Variants in KIAA0040 observed in about 807,000 individuals in gnomAD.
KIAA0040 encodes the protein uncharacterized protein KIAA0040.
A neutral mutation model predicts 7.2 loss-of-function variants in KIAA0040; 10 were observed. The ratio of observed to expected loss-of-function variants is 1.38; its 90% CI spans 0.85 to 2.34. The LOEUF is 2.34. Among genes scored for constraint, KIAA0040 ranks in the 30% most tolerant of loss-of-function variants. The pLI is 0.00. For missense variants in KIAA0040, 89 were observed against 108.2 expected (o/e 0.82, Z 0.79); for synonymous variants, 49 against 40.1 (o/e 1.22, Z -0.84).
chr1:175,173,908 T>C (rs1002000937), intron 2 of KIAA0040, among the ~76,000 whole-genome samples: 4 of 152,212 alleles, frequency 2.6e-5, no homozygotes, highest in African/African-American at 9.7e-5. Flanking sequence ...TTTTTCTGCT[T>C]CCTTTGGTTT....
At chr1:175,182,912 G>T (rs1677494742) in intron 1 of KIAA0040, among the ~76,000 whole-genome samples, 1 of 152,140 alleles carries the variant, frequency 6.6e-6, no homozygotes, top group African/African-American at 2.4e-5. Context: ...ACCTCTGCTG[G>T]GGCCCAATGC....
At chr1:175,176,298 T>G (rs941530928) in intron 2 of KIAA0040, 1 of 152,226 alleles carries the variant, frequency 6.6e-6, no homozygotes, top group Admixed American at 6.5e-5. Flanking sequence ...TCGGGGCAAT[T>G]AAAAGCCAAA....
chr1:175,170,793 C>T (rs1676959861), intron 2 of KIAA0040, among the ~76,000 whole-genome samples: 1 of 152,194 alleles, frequency 6.6e-6, no homozygotes, highest in Admixed American at 6.5e-5. Context: ...TCCTCCCTCC[C>T]TCCGGCCTGT....
Position 175,160,053 on chromosome 1 carries a change from A to G in KIAA0040, c.*661T>C, listed in dbSNP as rs1676466074. The G allele has an allele frequency of 6.5e-6, 1 of 153,720 alleles. No individual in the cohort carries two copies. The highest frequency in any genetic ancestry group is 2.4e-5 in the African/African-American group (1 of 41,460). 9.5% of individuals were successfully genotyped at this position (153,720 alleles called of 1,614,324 possible). A position where few individuals can be genotyped will look rare whatever the true frequency, so the allele number is the denominator to read the frequency against. On this transcript the variant is annotated 3_prime_UTR_variant, in exon 4 of 4. Transcript: ENST00000423313. ...AGAAACTTGGTGTGTCTGTATCAAG[A>G]CACACAAGGGTGGGGACTGTAGCAG...
In KIAA0040 at chr1:175,157,051, TACCATATTGA is replaced by T. The variant is rs1676297291; in HGVS notation, c.*3653_*3662del. 1 of 152,068 alleles carries T rather than the reference TACCATATTGA, an allele frequency of 6.6e-6. No homozygotes were observed. The highest frequency in any genetic ancestry group is 1.5e-5 in the Non-Finnish European group (1 of 68,038). The allele number at this position is 152,068 out of a possible 1,614,324, so 9.4% of individuals were successfully genotyped here. Reference sequence around the variant, plus strand: ...TTAAATAGTCACATGTGGCTATTGGTACCATATTGAACCATATTGAACAGTGTACACACAC... The same window carrying T: ...TTAAATAGTCACATGTGGCTATTGGTACCATATTGAACAGTGTACACACAC... On this transcript the variant is annotated 3_prime_UTR_variant, in exon 4 of 4. Transcript: ENST00000423313.
At chr1:175,189,308 G>T (rs1677781159) in intron 1 of KIAA0040, among the ~76,000 whole-genome samples, 1 of 152,174 alleles carries the variant, frequency 6.6e-6, no homozygotes, top group East Asian at 1.9e-4. Flanking sequence ...AGGGCCATTG[G>T]ATTAAATGGG....
chr1:175,160,616 A>G lies in KIAA0040; in HGVS notation c.*98T>C, dbSNP rs1676489409. The G allele has an allele frequency of 1.7e-6, 2 of 1,163,486 alleles. No homozygotes were observed. Among genetic ancestry groups the G allele is most frequent in the East Asian group, 2.6e-5 (1 of 38,878 alleles). The allele number at this position is 1,163,486 out of a possible 1,614,324, so 72.1% of individuals were successfully genotyped here. A position where few individuals can be genotyped will look rare whatever the true frequency, so the allele number is the denominator to read the frequency against. The stretch of plus-strand genomic sequence containing the variant: ...TTGGTTGAGTAGTTACTCTGTGGAC[A>G]TGGACATAGTGCATTATTTCAGGGG... On this transcript the variant is annotated 3_prime_UTR_variant, in exon 4 of 4. Coordinates refer to ENST00000423313, the MANE Select transcript of KIAA0040 (RefSeq NM_014656.3).
At position 175,166,039 on chromosome 1, in the gene KIAA0040, T is replaced by G. The variant is rs114134230; in HGVS notation, c.-134+523A>C. ...CCCTGAGACCAACTCCAGAGTGACC[T>G]CCAAATGGTACAAATCACCACCCTT... On this transcript the variant is annotated intron_variant, in intron 3 of 3. Coordinates refer to ENST00000423313, the MANE Select transcript of KIAA0040 (RefSeq NM_014656.3). Among the ~76,000 whole-genome samples the G allele has an allele frequency of 6.5e-3, 987 of 152,312 alleles. 18 individuals carry two copies. The highest frequency in any genetic ancestry group is 0.023 in the African/African-American group (945 of 41,558).
At chr1:175,178,821 T>C (rs1237460743) in intron 1 of KIAA0040, among the ~76,000 whole-genome samples, 2 of 152,208 alleles carry the variant, frequency 1.3e-5, no homozygotes, top group East Asian at 1.9e-4. Flanking sequence ...GAGAGTTCTT[T>C]GTAAACTGAA....
chr1:175,184,649 G>A (rs1677584578), intron 1 of KIAA0040, among the ~76,000 whole-genome samples: 1 of 152,216 alleles, frequency 6.6e-6, no homozygotes, highest in African/African-American at 2.4e-5. Context: ...AGTGGCAACT[G>A]TGTGCCAGAC....
In KIAA0040 at chr1:175,176,669, C is replaced by CTTTTTTTTTTTTTTTT. The variant is rs34859478; in HGVS notation, c.-310+926_-310+941dup. ...ATCCAGTGTCAGGTTAAGTAGCATG[C>CTTTTTTTTTTTTTTTT]TTTTTTTTTTTTTTTTTTTTTTTTT... On this transcript the variant is annotated intron_variant, in intron 2 of 3. Transcript: ENST00000423313. 5.8e-4 allele frequency among the ~76,000 whole-genome samples: 16 copies of CTTTTTTTTTTTTTTTT among 27,438 alleles called. 8 individuals carry two copies. The highest frequency in any genetic ancestry group is 1.8e-3 in the Admixed American group (2 of 1,126). 18.0% of individuals were successfully genotyped at this position (27,438 alleles called of 152,430 possible). A position where few individuals can be genotyped will look rare whatever the true frequency, so the allele number is the denominator to read the frequency against.
At chr1:175,183,015 G>A (rs1039482719) in intron 1 of KIAA0040, among the ~76,000 whole-genome samples, 1 of 152,226 alleles carries the variant, frequency 6.6e-6, no homozygotes, top group African/African-American at 2.4e-5. Flanking sequence ...GAGCAAGTGA[G>A]GAATGCTCAG....
intron 1 of KIAA0040, among the ~76,000 whole-genome samples, chr1:175,178,996 T>C (rs1677328625): frequency 6.7e-6 from 1 of 150,288 alleles, no homozygotes; most frequent in Non-Finnish European, 1.5e-5. Context: ...ATGGAGGAGA[T>C]AGAGGCTGTG....
At chr1:175,176,597 A>T (rs56016776) in intron 2 of KIAA0040, 1 of 147,816 alleles carries the variant, frequency 6.8e-6, no homozygotes, top group Non-Finnish European at 1.5e-5. Flanking sequence ...ATGGTTGATG[A>T]ATGCAGAGAA....
At chr1:175,168,852 G>A (rs1169734967) in intron 2 of KIAA0040, among the ~76,000 whole-genome samples, 25 of 152,214 alleles carry the variant, frequency 1.6e-4, no homozygotes, top group Admixed American at 1.6e-3. Context: ...TCTCTGTGGG[G>A]CTATGTGACT....
chr1:175,167,889 CTT>C (rs368297465), intron 2 of KIAA0040, among the ~76,000 whole-genome samples: 1 of 147,428 alleles, frequency 6.8e-6, no homozygotes, highest in African/African-American at 2.5e-5. Context: ...TATGTATATT[CTT>C]TTTTTTTTTC....
chr1:175,181,486 C>T (rs1677437596), intron 1 of KIAA0040, among the ~76,000 whole-genome samples: 1 of 152,202 alleles, frequency 6.6e-6, no homozygotes, highest in Admixed American at 6.5e-5. Context: ...TCTTCTAACG[C>T]TTTCCCAGAT....
rs758064593 is a variant in KIAA0040, at chr1:175,187,825, G to A, written c.-384+4815C>T. 7.8e-4 allele frequency among the ~76,000 whole-genome samples: 119 copies of A among 151,932 alleles called. 2 individuals are homozygous for A. The highest frequency in any genetic ancestry group is 1.8e-4 in the Non-Finnish European group (12 of 67,978). Reference sequence around the variant, plus strand: ...GAAGACTAAACATACTATCACATGCGACTATCCTTATTGTTATTATTTGTA... The same window carrying A: ...GAAGACTAAACATACTATCACATGCAACTATCCTTATTGTTATTATTTGTA... On this transcript the variant is annotated intron_variant, in intron 1 of 3. Coordinates refer to ENST00000423313, the MANE Select transcript of KIAA0040 (RefSeq NM_014656.3).
intron 3 of KIAA0040, among the ~76,000 whole-genome samples, chr1:175,162,237 G>A (rs1676574648): frequency 6.6e-6 from 1 of 152,190 alleles, no homozygotes; most frequent in African/African-American, 2.4e-5. Context: ...GCCTGTTGGT[G>A]TAAGACATTC....
Sources: allele counts gnomAD v4.1 joint callset (sites outside exome capture counted in the v4.1 genomes callset), GRCh38; gene constraint gnomAD v4.1.1; transcripts MANE v1.5; gene names NCBI Gene and HGNC (gene_info 2026-07-23, HGNC 2026-07-21).